The following MGAM2 variants were observed in gnomAD, a reference collection of about 807,000 sequenced individuals.
The protein encoded by MGAM2 is maltase-glucoamylase 2 (putative).
A neutral mutation model predicts 96.1 loss-of-function variants in MGAM2; 98 were observed. That is an observed-to-expected ratio of 1.02 (90% CI 0.87 to 1.21). The LOEUF is 1.21. MGAM2 is among the 50% of genes most tolerant of loss of function. The pLI is 0.00. For missense variants in MGAM2, 2,055 were observed against 1,182.4 expected (o/e 1.74, Z -10.82); for synonymous variants, 749 against 414.8 (o/e 1.81, Z -9.79).
In MGAM2 at chr7:142,182,318, G is replaced by A. The variant is rs541471404; in HGVS notation, c.3817-948G>A. Among the ~76,000 whole-genome samples the A allele has an allele frequency of 3.9e-5, 6 of 152,310 alleles. No individual in the cohort carries two copies. In the South Asian group the frequency reaches 1.0e-3, roughly 26 times the overall value. Reference sequence around the variant, plus strand: ...GCACTCAGGTGGGGCAGTGGAGGCTGTGCTGTGTGCATTCTCTTTTGGGAG... The same window carrying A: ...GCACTCAGGTGGGGCAGTGGAGGCTATGCTGTGTGCATTCTCTTTTGGGAG... On this transcript the variant is annotated intron_variant, in intron 32 of 47. Coordinates refer to ENST00000477922, the MANE Select transcript of MGAM2 (RefSeq NM_001293626.2).
intron 37 of MGAM2, among the ~76,000 whole-genome samples, chr7:142,194,708 G>A (rs903029134): frequency 6.6e-6 from 1 of 151,698 alleles, no homozygotes; most frequent in Non-Finnish European, 1.5e-5. Flanking sequence ...GTGTGTGTGT[G>A]TGTGTGTGTG....
At chr7:142,190,080 T>C (rs970314872) in intron 37 of MGAM2, among the ~76,000 whole-genome samples, 5 of 147,968 alleles carry the variant, frequency 3.4e-5, no homozygotes, top group Non-Finnish European at 7.4e-5. Context: ...TCTAAATTGT[T>C]TCCATTTTTT....
chr7:142,211,971 CA>C (rs1376675054), intron 46 of MGAM2, among the ~76,000 whole-genome samples: 1 of 152,154 alleles, frequency 6.6e-6, no homozygotes, highest in Non-Finnish European at 1.5e-5. Context: ...AAGGGAAGCC[CA>C]TCAGACTAAC....
chr7:142,167,244 C>T, intron 25 of MGAM2, 24 bp from the exon 26 acceptor site: 1 of 661,532 alleles, frequency 1.5e-6, no homozygotes, highest in Non-Finnish European at 2.8e-6. Context: ...AGAGGCTGAG[C>T]AAGACTTTCT....
At chr7:142,173,065 T>A (rs1266943517) in intron 30 of MGAM2, among the ~76,000 whole-genome samples, 164 bp from the exon 31 acceptor site, 1 of 152,214 alleles carries the variant, frequency 6.6e-6, no homozygotes, top group Non-Finnish European at 1.5e-5. Flanking sequence ...TTCTATCATT[T>A]TGCATGTCTG....
At position 142,167,436 on chromosome 7, in the gene MGAM2, T is replaced by G. The variant is rs1255346884; in HGVS notation, c.2977T>G (p.Phe993Val). Residue 993 changes from phenylalanine to valine, a missense_variant, in exon 26 of 48, where the codon TTC becomes GTC. Transcript: ENST00000477922. ...TGATTCTCTCTCTGCAAAGATCAGC[T>G]TCCTCCACCTGAAAGTGATCTATCA... ...ASDSLSAKIS[F>V]LHLKVIYHTA... 5 of 702,904 alleles carry G rather than the reference T, an allele frequency of 7.1e-6. No individual in the cohort carries two copies. The East Asian group carries it at 1.3e-4, about 19-fold the overall frequency. The allele number at this position is 702,904 out of a possible 1,614,324, so 43.5% of individuals were successfully genotyped here.
chr7:142,134,654 C>T (rs2129078527), intron 7 of MGAM2, among the ~76,000 whole-genome samples: 1 of 152,090 alleles, frequency 6.6e-6, no homozygotes, highest in East Asian at 1.9e-4. Flanking sequence ...TAGCCCAGAC[C>T]CACTGGATCC....
chr7:142,161,244 A>G lies in MGAM2; in HGVS notation c.2434+31A>G, dbSNP rs1190515814. 5 of 700,888 alleles carry G rather than the reference A, an allele frequency of 7.1e-6. No individual in the cohort carries two copies. In the Admixed American group the frequency reaches 8.0e-5, roughly 11 times the overall value. 43.4% of individuals were successfully genotyped at this position (700,888 alleles called of 1,614,324 possible). A position where few individuals can be genotyped will look rare whatever the true frequency, so the allele number is the denominator to read the frequency against. ...CTTTCTCAAGGCACCATCCCTGTGG[A>G]TCACTGTGGTTCTCCCTGAAAATTA... On this transcript the variant is annotated intron_variant, in intron 22 of 47. Coordinates refer to ENST00000477922, the MANE Select transcript of MGAM2 (RefSeq NM_001293626.2).
chr7:142,154,330 C>T (rs922714779), intron 16 of MGAM2, 141 bp downstream of exon 16: 41 of 478,214 alleles, frequency 8.6e-5, no homozygotes, highest in Admixed American at 8.4e-4. Flanking sequence ...TTATGTGTTA[C>T]GTGAGCTGCC....
At chr7:142,218,982 G>T (rs922234953) in intron 47 of MGAM2, among the ~76,000 whole-genome samples, 1 of 152,186 alleles carries the variant, frequency 6.6e-6, no homozygotes, top group Non-Finnish European at 1.5e-5. Flanking sequence ...AAAATTGGCA[G>T]TAAACTGTGG....
At chr7:142,187,705 C>T in intron 35 of MGAM2, 45 bp from the exon 36 acceptor site, 1 of 698,486 alleles carries the variant, frequency 1.4e-6, no homozygotes, top group East Asian at 2.7e-5. Context: ...CCAAGGCCAT[C>T]CTGCCCCTGA....
intron 32 of MGAM2, among the ~76,000 whole-genome samples, chr7:142,176,119 T>G (rs1326142584): frequency 7.3e-6 from 1 of 137,680 alleles, no homozygotes; most frequent in Non-Finnish European, 1.6e-5. Context: ...GGGGGGGGCA[T>G]CTCACTGTTT....
chr7:142,209,842 G>T (rs958335255), intron 46 of MGAM2, among the ~76,000 whole-genome samples: 1 of 152,138 alleles, frequency 6.6e-6, no homozygotes, highest in Non-Finnish European at 1.5e-5. Flanking sequence ...TTGAACACTT[G>T]AAATGTGACC....
chr7:142,143,133 A>C, intron 12 of MGAM2, among the ~76,000 whole-genome samples: 1 of 152,318 alleles, frequency 6.6e-6, no homozygotes, highest in Admixed American at 6.5e-5. Flanking sequence ...ACAATCTATA[A>C]ATTTATAGGG....
intron 46 of MGAM2, among the ~76,000 whole-genome samples, chr7:142,212,277 A>C (rs1034844434): frequency 6.6e-6 from 1 of 152,344 alleles, no homozygotes; most frequent in South Asian, 2.1e-4. Context: ...CATTGACACT[A>C]TGAAGAAACT....
At chr7:142,210,152 G>A (rs547605480) in intron 46 of MGAM2, among the ~76,000 whole-genome samples, 1 of 152,260 alleles carries the variant, frequency 6.6e-6, no homozygotes, top group East Asian at 1.9e-4. Flanking sequence ...GAGGGACAGT[G>A]CTATCTGGCC....
rs546917131 is a variant in MGAM2 at position 142,134,158 on chromosome 7, G to A, written c.747+6G>A. On this transcript the variant is annotated splice_donor_region_variant and intron_variant, in intron 7 of 47. Coordinates refer to ENST00000477922, the MANE Select transcript of MGAM2 (RefSeq NM_001293626.2). ...GGGACGCTACCCCCACCGAGGTGAG[G>A]TGGCTTTCCTCCTGAGTATCGCCCA... 1.4e-6 allele frequency: 1 copy of A among 734,948 alleles called. No homozygotes were observed. The highest frequency in any genetic ancestry group is 1.4e-5 in the South Asian group (1 of 70,334). 45.5% of individuals were successfully genotyped at this position (734,948 alleles called of 1,614,324 possible).
chr7:142,128,983 A>G (rs1301232323), intron 3 of MGAM2, among the ~76,000 whole-genome samples: 1 of 152,218 alleles, frequency 6.6e-6, no homozygotes, highest in Non-Finnish European at 1.5e-5. Context: ...AAAGCCGCAG[A>G]CACTCAATGC....
chr7:142,202,459 C>A (rs764647257), intron 45 of MGAM2, among the ~76,000 whole-genome samples: 1 of 152,106 alleles, frequency 6.6e-6, no homozygotes, highest in African/African-American at 2.4e-5. Context: ...TCAACCCATG[C>A]CCCCATTCCT....
Sources: gnomAD v4.1 joint callset for allele counts (sites outside exome capture counted in the v4.1 genomes callset) on GRCh38, gnomAD v4.1.1 for gene constraint, MANE v1.5 for transcripts, NCBI Gene and HGNC (gene_info 2026-07-23, HGNC 2026-07-21) for gene names.